The following RFX3 variants were observed in gnomAD, a reference collection of about 807,000 sequenced individuals.
RFX3 encodes the protein transcription factor RFX3.
Under a neutral mutation model 98.6 loss-of-function variants are expected in RFX3, and 14 were observed. The ratio of observed to expected loss-of-function variants is 0.14; its 90% CI spans 0.09 to 0.22. The LOEUF (loss-of-function observed/expected upper bound fraction) is 0.22, where lower values mean the gene tolerates loss of function less well. Ranked by LOEUF, RFX3 falls within the 10% of genes least tolerant of loss-of-function variation. The probability of loss-of-function intolerance (pLI) is 1.00; values close to 1 mark genes in which losing one functional copy is unlikely to be tolerated. For missense variants in RFX3, 639 were observed against 926.9 expected (o/e 0.69, Z 4.03); for synonymous variants, 383 against 328.4 (o/e 1.17, Z -1.80).
At chr9:3,400,985 G>C (rs1240932900) in intron 1 of RFX3, among the ~76,000 whole-genome samples, 1 of 152,172 alleles carries the variant, frequency 6.6e-6, no homozygotes, top group East Asian at 1.9e-4. Flanking sequence ...GCAATATCAT[G>C]ATGATAGGGC....
intron 3 of RFX3, among the ~76,000 whole-genome samples, chr9:3,334,118 A>G (rs28550268): frequency 0.097 from 14,700 of 152,254 alleles, 1,139 homozygotes; most frequent in East Asian, 0.46. Context: ...ATAACTTTTT[A>G]TATCTGTCAA....
intron 2 of RFX3, among the ~76,000 whole-genome samples, chr9:3,366,350 G>C (rs1447637235): frequency 6.6e-6 from 1 of 152,158 alleles, no homozygotes; most frequent in African/African-American, 2.4e-5. Context: ...CATCTTTGGA[G>C]CTGTTTCCAA....
At chr9:3,399,635 T>A (rs34065256) in intron 1 of RFX3, among the ~76,000 whole-genome samples, 29,587 of 151,874 alleles carry the variant, frequency 0.19, 4,669 homozygotes, top group African/African-American at 0.43. Flanking sequence ...TATTTCTACA[T>A]ATAAAGATTG....
At chr9:3,478,409 CTTTTTTTT>C (rs200717765) in intron 1 of RFX3, among the ~76,000 whole-genome samples, 21 of 127,850 alleles carry the variant, frequency 1.6e-4, no homozygotes, top group Admixed American at 8.7e-4. Flanking sequence ...TCTGCTAGAA[CTTTTTTTT>C]TTTTTTTTTT....
At chr9:3,254,816 T>G (rs1303581792) in intron 14 of RFX3, among the ~76,000 whole-genome samples, 2 of 152,198 alleles carry the variant, frequency 1.3e-5, no homozygotes, top group African/African-American at 4.8e-5. Flanking sequence ...TCCTGCTGTA[T>G]CAAGGGAAAA....
chr9:3,515,741 GAT>G lies in RFX3; in HGVS notation c.-9+10004_-9+10005del, dbSNP rs1818090736. On this transcript the variant is annotated intron_variant, in intron 1 of 16. Transcript: ENST00000617270. ...TGCTGACTGAGACTGAAGGGGATGA[GAT>G]ATATTTTAAAGATGAAAGTTATACT... is the stretch of plus-strand genomic sequence containing the variant. 2.0e-5 allele frequency among the ~76,000 whole-genome samples: 3 copies of G among 152,276 alleles called. No homozygotes were observed. The South Asian group carries it at 6.2e-4, about 32-fold the overall frequency.
rs187517674 is a variant in RFX3, at chr9:3,516,346, C to A, written c.-9+9401G>T. On this transcript the variant is annotated intron_variant, in intron 1 of 16. Coordinates refer to ENST00000617270, the MANE Select transcript of RFX3 (RefSeq NM_001282116.2). ...TACAGGCATGAGCCACCGCACCCAG[C>A]CTAAACTAAAAATTTTTTAAAATTT... is the stretch of plus-strand genomic sequence containing the variant. Among the ~76,000 whole-genome samples, 631 of 152,232 alleles carry A rather than the reference C, an allele frequency of 4.1e-3. 4 individuals carry two copies. Among genetic ancestry groups the A allele is most frequent in the Middle Eastern group, 0.037 (11 of 294 alleles).
intron 14 of RFX3, 50 bp downstream of exon 14, chr9:3,256,941 C>T (rs1306916969): frequency 6.0e-6 from 9 of 1,505,216 alleles, no homozygotes; most frequent in Admixed American, 1.7e-5. Context: ...CATACACACA[C>T]ATATTTGCAG....
intron 7 of RFX3, among the ~76,000 whole-genome samples, chr9:3,284,797 G>A (rs1464791515): frequency 2.6e-5 from 4 of 151,672 alleles, no homozygotes; most frequent in Admixed American, 1.3e-4. Flanking sequence ...AGGTAAAATG[G>A]CTTGAGAATG....
At position 3,525,941 on chromosome 9, in the gene RFX3, G is replaced by GA. The variant is rs1564207075; in HGVS notation, c.-204_-203insT. 9 of 781,770 alleles carry GA rather than the reference G, an allele frequency of 1.2e-5. No homozygotes were observed. Among genetic ancestry groups the GA allele is most frequent in the East Asian group, 2.6e-4 (2 of 7,742 alleles). 48.4% of individuals were successfully genotyped at this position (781,770 alleles called of 1,614,324 possible). A position where few individuals can be genotyped will look rare whatever the true frequency, so the allele number is the denominator to read the frequency against. Reference sequence around the variant, plus strand: ...TAACTCACAAAAGAGAGAGAGAGAGGGAGAGAGAGAGAGAGCGAGAGGGAG... The same window carrying GA: ...TAACTCACAAAAGAGAGAGAGAGAGGAGAGAGAGAGAGAGAGCGAGAGGGAG... On this transcript the variant is annotated 5_prime_UTR_variant, in exon 1 of 17. Coordinates refer to ENST00000617270, the MANE Select transcript of RFX3 (RefSeq NM_001282116.2).
chr9:3,466,114 G>C (rs1848191172), intron 1 of RFX3, among the ~76,000 whole-genome samples: 1 of 152,298 alleles, frequency 6.6e-6, no homozygotes, highest in East Asian at 1.9e-4. Flanking sequence ...AGAAATTCCA[G>C]ACTAAGAAAT....
intron 1 of RFX3, among the ~76,000 whole-genome samples, chr9:3,503,523 C>G (rs1280620200): frequency 6.6e-6 from 1 of 151,904 alleles, no homozygotes; most frequent in Non-Finnish European, 1.5e-5. Flanking sequence ...TATTTGACAC[C>G]AAACTGAGTA....
At chr9:3,505,365 AT>A (rs796171336) in intron 1 of RFX3, among the ~76,000 whole-genome samples, 4 of 46,706 alleles carry the variant, frequency 8.6e-5, no homozygotes, top group Admixed American at 2.5e-4. Context: ...ATTTATATAA[AT>A]ATAAAATATT....
In RFX3 at chr9:3,525,923, CAA is replaced by C. The variant is rs930702120; in HGVS notation, c.-187_-186del. 3.1e-6 allele frequency: 3 copies of C among 961,472 alleles called. No individual in the cohort carries two copies. The highest frequency in any genetic ancestry group is 1.9e-5 in the African/African-American group (1 of 52,410). 59.6% of individuals were successfully genotyped at this position (961,472 alleles called of 1,614,324 possible). On this transcript the variant is annotated 5_prime_UTR_variant, in exon 1 of 17. Coordinates refer to ENST00000617270, the MANE Select transcript of RFX3 (RefSeq NM_001282116.2). ...ACAAGGCAACGGTTGCTATAACTCA[CAA>C]AAGAGAGAGAGAGAGGGAGAGAGAG...
At chr9:3,297,120 CT>C (rs1230300475) in intron 5 of RFX3, among the ~76,000 whole-genome samples, 1 of 152,054 alleles carries the variant, frequency 6.6e-6, no homozygotes, top group African/African-American at 2.4e-5. Context: ...AAGTTAATGC[CT>C]GTTAAATATC....
intron 3 of RFX3, among the ~76,000 whole-genome samples, chr9:3,331,648 T>G (rs372603729): frequency 8.5e-5 from 13 of 152,202 alleles, no homozygotes; most frequent in East Asian, 5.8e-4. Flanking sequence ...ACTTTTTGCT[T>G]TTTACCATAA....
rs1832468945 is a variant in RFX3, at chr9:3,330,528, A to C, written c.216-11T>G. ...TACGTTGTTGTTCGGCTTTAGAAGA[A>C]GAAGAAAAAAGAAATTTACTAGCTT... On this transcript the variant is annotated splice_polypyrimidine_tract_variant and intron_variant, in intron 3 of 16. Transcript: ENST00000617270. 1 of 1,584,280 alleles carries C rather than the reference A, an allele frequency of 6.3e-7. No individual in the cohort carries two copies. The highest frequency in any genetic ancestry group is 8.6e-7 in the Non-Finnish European group (1 of 1,163,250).
At chr9:3,428,507 C>T (rs1413619963) in intron 1 of RFX3, among the ~76,000 whole-genome samples, 1 of 152,100 alleles carries the variant, frequency 6.6e-6, no homozygotes, top group Admixed American at 6.5e-5. Context: ...TTTTCATGAA[C>T]AAGCAAAATA....
intron 13 of RFX3, among the ~76,000 whole-genome samples, chr9:3,257,864 C>T (rs1008488118): frequency 3.3e-5 from 5 of 152,122 alleles, no homozygotes; most frequent in Non-Finnish European, 5.9e-5. Context: ...TGTAGACGTG[C>T]TTCCTGCCAA....
Sources: gnomAD v4.1 joint callset for allele counts (sites outside exome capture counted in the v4.1 genomes callset) on GRCh38, gnomAD v4.1.1 for gene constraint, MANE v1.5 for transcripts, NCBI Gene and HGNC (gene_info 2026-07-23, HGNC 2026-07-21) for gene names.